PTPRD: variants seen among roughly 807,000 people sequenced by gnomAD.
PTPRD encodes protein tyrosine phosphatase receptor type D.
A neutral mutation model predicts 214.5 loss-of-function variants in PTPRD; 34 were observed. The ratio of observed to expected loss-of-function variants is 0.16; its 90% confidence interval spans 0.12 to 0.21. The LOEUF (loss-of-function observed/expected upper bound fraction) is 0.21. Among genes scored for constraint, PTPRD ranks in the 10% least tolerant of loss-of-function variants. The pLI is 1.00. For synonymous variants in PTPRD, 1,128 were observed against 845.7 expected (o/e 1.33, Z -5.79); for missense variants, 2,545 against 2,398.7 (o/e 1.06, Z -1.27).
intron 2 of PTPRD, among the ~76,000 whole-genome samples, chr9:10,346,381 T>C (rs895000891): frequency 1.3e-4 from 20 of 152,222 alleles, no homozygotes; most frequent in African/African-American, 4.8e-4. Flanking sequence ...AACTAGGAGG[T>C]TCAGAATGTT....
At chr9:9,455,451 G>C (rs1324282839) in intron 8 of PTPRD, among the ~76,000 whole-genome samples, 1 of 151,410 alleles carries the variant, frequency 6.6e-6, no homozygotes, top group African/African-American at 2.4e-5. Flanking sequence ...CAACAGTGCA[G>C]AACATTAACA....
At chr9:9,261,801 G>A (rs748038599) in intron 9 of PTPRD, among the ~76,000 whole-genome samples, 14 of 151,788 alleles carry the variant, frequency 9.2e-5, no homozygotes, top group South Asian at 2.1e-4. Context: ...TGGCTCCTTC[G>A]TTATTTCACT....
intron 8 of PTPRD, among the ~76,000 whole-genome samples, chr9:9,412,007 T>A (rs191307461): frequency 2.6e-5 from 4 of 152,340 alleles, no homozygotes; most frequent in African/African-American, 9.6e-5. Flanking sequence ...AGTGAATCCA[T>A]GTCTTATGAC....
At chr9:9,857,954 T>C (rs1179469430) in intron 5 of PTPRD, among the ~76,000 whole-genome samples, 1 of 152,220 alleles carries the variant, frequency 6.6e-6, no homozygotes, top group Non-Finnish European at 1.5e-5. Flanking sequence ...AAAGAAATAA[T>C]TTTAAGTGAG....
rs2098636938 is a variant in PTPRD at position 9,759,973 on chromosome 9, G to T, written c.-326+6837C>A. 2.0e-5 allele frequency among the ~76,000 whole-genome samples: 3 copies of T among 152,100 alleles called. No homozygotes were observed. In the South Asian group the frequency reaches 6.2e-4, roughly 32 times the overall value. ...TCTTTCTTTCCTTCTCCTCTAACCT[G>T]GTGTTGTACATTTTGCTCATGTTAA... On this transcript the variant is annotated intron_variant, in intron 6 of 45. Transcript: ENST00000381196.
intron 4 of PTPRD, among the ~76,000 whole-genome samples, chr9:9,981,776 C>T (rs1340627087): frequency 6.6e-6 from 1 of 152,100 alleles, no homozygotes; most frequent in African/African-American, 2.4e-5. Flanking sequence ...CGCTTTTTGA[C>T]TCGTATCATA....
intron 14 of PTPRD, among the ~76,000 whole-genome samples, chr9:8,531,271 G>A (rs375880729): frequency 6.6e-6 from 1 of 152,152 alleles, no homozygotes; most frequent in African/African-American, 2.4e-5. Flanking sequence ...ATTAGGCTAT[G>A]CTGGTTTTAA....
intron 9 of PTPRD, among the ~76,000 whole-genome samples, chr9:9,351,227 A>G (rs2050992279): frequency 6.6e-6 from 1 of 152,044 alleles, no homozygotes; most frequent in African/African-American, 2.4e-5. Context: ...TTACAGAAGG[A>G]AACTGAAATT....
intron 45 of PTPRD, among the ~76,000 whole-genome samples, chr9:8,318,736 G>A (rs1824206535): frequency 2.0e-5 from 3 of 151,998 alleles, no homozygotes; most frequent in Admixed American, 2.0e-4. Flanking sequence ...CTAAAAAAAA[G>A]CAGTATGAAG....
At chr9:9,405,063 T>C (rs2072734017) in intron 8 of PTPRD, among the ~76,000 whole-genome samples, 1 of 152,074 alleles carries the variant, frequency 6.6e-6, no homozygotes, top group South Asian at 2.1e-4. Flanking sequence ...TTTAACCAGC[T>C]CTTTATTATT....
At chr9:8,797,198 C>A (rs1012774005) in intron 11 of PTPRD, 1 of 152,108 alleles carries the variant, frequency 6.6e-6, no homozygotes, top group Non-Finnish European at 1.5e-5. Flanking sequence ...AGCCCCCCAC[C>A]ATGAAAAATA....
At chr9:9,696,527 G>A (rs1335399740) in intron 7 of PTPRD, among the ~76,000 whole-genome samples, 9 of 151,968 alleles carry the variant, frequency 5.9e-5, no homozygotes, top group South Asian at 4.2e-4. Context: ...ATCCTTTCAT[G>A]GGACTCATCC....
At chr9:8,776,908 T>C (rs1440802561) in intron 11 of PTPRD, among the ~76,000 whole-genome samples, 4 of 20,690 alleles carry the variant, frequency 1.9e-4, no homozygotes, top group Non-Finnish European at 2.7e-4. Context: ...TACATATGTA[T>C]AATATATGTA....
rs1567184280 is a variant in PTPRD at position 8,948,531 on chromosome 9, T to TTATATATATATTTA, written c.-104+70152_-104+70165dup. On this transcript the variant is annotated intron_variant, in intron 11 of 45. Transcript: ENST00000381196. The stretch of plus-strand genomic sequence containing the variant: ...TATATATATATATTTATATATATAT[T>TTATATATATATTTA]TATATATATATTTATATATATTTAT... Among the ~76,000 whole-genome samples the TTATATATATATTTA allele has an allele frequency of 7.8e-3, 234 of 30,012 alleles. 18 individuals are homozygous for TTATATATATATTTA. Among genetic ancestry groups the TTATATATATATTTA allele is most frequent in the Non-Finnish European group, 0.015 (203 of 13,532 alleles). 19.7% of individuals were successfully genotyped at this position (30,012 alleles called of 152,430 possible).
At chr9:8,319,760 T>C (rs1799431482) in intron 45 of PTPRD, 71 bp downstream of exon 45, 3 of 1,572,724 alleles carry the variant, frequency 1.9e-6, no homozygotes, top group African/African-American at 1.4e-5. Context: ...TGAGAGAGTA[T>C]GGAGTCCGGG....
chr9:10,420,167 G>C (rs2098532780), intron 2 of PTPRD, among the ~76,000 whole-genome samples: 2 of 151,732 alleles, frequency 1.3e-5, no homozygotes, highest in Non-Finnish European at 2.9e-5. Context: ...TCATTTTTTG[G>C]ATGACTTTGC....
chr9:9,838,910 T>C (rs953543974), intron 5 of PTPRD, among the ~76,000 whole-genome samples: 1 of 152,160 alleles, frequency 6.6e-6, no homozygotes, highest in African/African-American at 2.4e-5. Flanking sequence ...GTCTAATGTT[T>C]AAGTCTTTAA....
intron 10 of PTPRD, among the ~76,000 whole-genome samples, chr9:9,121,409 T>C (rs1439122773): frequency 1.3e-5 from 2 of 152,046 alleles, no homozygotes; most frequent in African/African-American, 4.8e-5. Flanking sequence ...AATAGGAAAA[T>C]TGTGGAACCA....
chr9:10,479,373 C>G (rs1292106927), intron 2 of PTPRD, among the ~76,000 whole-genome samples: 1 of 151,948 alleles, frequency 6.6e-6, no homozygotes, highest in Non-Finnish European at 1.5e-5. Flanking sequence ...AAGGGAGATG[C>G]TTGTAATACA....
Sources: allele counts gnomAD v4.1 joint callset (sites outside exome capture counted in the v4.1 genomes callset), GRCh38; gene constraint gnomAD v4.1.1; transcripts MANE v1.5; gene names NCBI Gene and HGNC (gene_info 2026-07-23, HGNC 2026-07-21).